Variants in NETO2 observed in about 807,000 individuals in gnomAD.
NETO2 encodes the protein neuropilin and tolloid-like protein 2.
A neutral mutation model predicts 62.5 loss-of-function variants in NETO2; 28 were observed. That is an observed-to-expected ratio of 0.45 (90% CI 0.33 to 0.61). The LOEUF is 0.61. Ranked by LOEUF, NETO2 falls within the 20% of genes least tolerant of loss-of-function variation. NETO2 has a pLI of 0.02. For synonymous variants in NETO2, 214 were observed against 219.1 expected, an observed-to-expected ratio of 0.98 and a Z score of 0.21; for missense variants, 548 against 643.2, an observed-to-expected ratio of 0.85 and a Z score of 1.60.
intron 8 of NETO2, among the ~76,000 whole-genome samples, chr16:47,086,012 A>AAG (rs1963181284): frequency 6.6e-6 from 1 of 152,124 alleles, no homozygotes; most frequent in Admixed American, 6.5e-5. Context: ...AAGCTAAGGC[A>AAG]GGAGAATGGT....
At chr16:47,129,768 A>AT (rs1174057088) in intron 2 of NETO2, among the ~76,000 whole-genome samples, 2 of 152,220 alleles carry the variant, frequency 1.3e-5, no homozygotes, top group East Asian at 3.8e-4. Flanking sequence ...GGTTAGAGGG[A>AT]TTTTAGTTGA....
chr16:47,135,788 T>C (rs1964352730), intron 1 of NETO2, among the ~76,000 whole-genome samples: 3 of 152,284 alleles, frequency 2.0e-5, no homozygotes, highest in Middle Eastern at 6.8e-3. Context: ...TTCTTTTCAC[T>C]ATTACTTAAT....
At chr16:47,137,061 G>C (rs1214380804) in intron 1 of NETO2, among the ~76,000 whole-genome samples, 1 of 152,136 alleles carries the variant, frequency 6.6e-6, no homozygotes, top group Non-Finnish European at 1.5e-5. Context: ...TCAGGCTATA[G>C]GAAACTGACA....
At chr16:47,122,934 A>T in intron 4 of NETO2, 22 bp from the exon 5 acceptor site, 2 of 1,608,992 alleles carry the variant, frequency 1.2e-6, no homozygotes, top group Non-Finnish European at 1.7e-6. Flanking sequence ...AAAAGAAGAA[A>T]GTCATTGGTA....
intron 3 of NETO2, 125 bp downstream of exon 3, chr16:47,129,099 A>G: frequency 1.2e-6 from 1 of 859,224 alleles, no homozygotes; most frequent in Non-Finnish European, 1.9e-6. Context: ...ACTTATCATT[A>G]CTACAGTTTA....
intron 7 of NETO2, among the ~76,000 whole-genome samples, chr16:47,092,096 C>A (rs1309989416): frequency 6.6e-6 from 1 of 151,526 alleles, no homozygotes. Flanking sequence ...AATCTTCCCA[C>A]CTTGGCCTCC....
chr16:47,129,473 AT>A, intron 2 of NETO2, 109 bp from the exon 3 acceptor site: 9 of 1,125,102 alleles, frequency 8.0e-6, no homozygotes, highest in Non-Finnish European at 1.1e-5. Context: ...CATATATAAA[AT>A]TTTCTAAGAA....
chr16:47,115,552 G>A (rs1351267747), intron 6 of NETO2, among the ~76,000 whole-genome samples: 6 of 150,110 alleles, frequency 4.0e-5, no homozygotes, highest in Non-Finnish European at 8.9e-5. Flanking sequence ...TCTTGAGACA[G>A]GGTCTCAGTT....
chr16:47,138,349 A>C (rs1278686953), intron 1 of NETO2, among the ~76,000 whole-genome samples: 1 of 152,194 alleles, frequency 6.6e-6, no homozygotes, highest in African/African-American at 2.4e-5. Context: ...GTGGTGCGCC[A>C]AGATCGTGCC....
At chr16:47,116,569 T>C (rs920487734) in intron 6 of NETO2, among the ~76,000 whole-genome samples, 5 of 152,230 alleles carry the variant, frequency 3.3e-5, no homozygotes, top group African/African-American at 1.2e-4. Flanking sequence ...TGACGAATAC[T>C]GATCAATAGT....
chr16:47,130,258 G>A (rs950520893), intron 2 of NETO2, among the ~76,000 whole-genome samples: 1 of 152,082 alleles, frequency 6.6e-6, no homozygotes, highest in African/African-American at 2.4e-5. Context: ...TCTGGGAGTC[G>A]AAACAGCCCC....
Position 47,083,143 on chromosome 16 carries a change from G to T in NETO2, c.*78C>A. 4 of 1,281,446 alleles carry T rather than the reference G, an allele frequency of 3.1e-6. No homozygotes were observed. The highest frequency in any genetic ancestry group is 4.6e-5 in the East Asian group (2 of 43,012). 79.4% of individuals were successfully genotyped at this position (1,281,446 alleles called of 1,614,324 possible). ...GTAGTTGTGATGGGAGAAAAGGGTTGGCTGCTGGAAACAGTATGGTGCCCT... is the reference window on the plus strand; with the variant it reads ...GTAGTTGTGATGGGAGAAAAGGGTTTGCTGCTGGAAACAGTATGGTGCCCT... On this transcript the variant is annotated 3_prime_UTR_variant, in exon 9 of 9. Coordinates refer to ENST00000562435, the MANE Select transcript of NETO2 (RefSeq NM_018092.5).
intron 7 of NETO2, among the ~76,000 whole-genome samples, chr16:47,107,420 T>C (rs1963698868): frequency 6.6e-6 from 1 of 152,140 alleles, no homozygotes; most frequent in Non-Finnish European, 1.5e-5. Flanking sequence ...AAGTTAAACA[T>C]AGAAAGAACT....
At chr16:47,116,335 T>C (rs1020014825) in intron 6 of NETO2, among the ~76,000 whole-genome samples, 3 of 152,154 alleles carry the variant, frequency 2.0e-5, no homozygotes, top group African/African-American at 7.2e-5. Flanking sequence ...GGAAGTCTCA[T>C]CTGTTCCTAT....
intron 6 of NETO2, among the ~76,000 whole-genome samples, chr16:47,118,193 CTCTT>C (rs966104677): frequency 1.3e-5 from 2 of 151,802 alleles, no homozygotes; most frequent in East Asian, 1.9e-4. Flanking sequence ...AATTCTGTCT[CTCTT>C]TGTTTGGGTG....
Position 47,122,860 on chromosome 16 carries a change from T to C in NETO2, c.526+8A>G. On this transcript the variant is annotated splice_region_variant and intron_variant, in intron 5 of 8. Transcript: ENST00000562435. ...ATGCCAAGAGGAACAAGTGGTAATA[T>C]ACTAAACCTGGAATGGGATTTAAAA... 1 of 1,614,016 alleles carries C rather than the reference T, an allele frequency of 6.2e-7. No homozygotes were observed. The highest frequency in any genetic ancestry group is 8.5e-7 in the Non-Finnish European group (1 of 1,179,936).
intron 6 of NETO2, 30 bp from the exon 7 acceptor site, chr16:47,109,741 TAA>T: frequency 7.0e-7 from 1 of 1,436,722 alleles, no homozygotes. Flanking sequence ...ACACTGCTTT[TAA>T]AAAGATATAT....
intron 7 of NETO2, among the ~76,000 whole-genome samples, chr16:47,105,202 T>C (rs144487223): frequency 6.4e-4 from 98 of 152,242 alleles, no homozygotes; most frequent in Non-Finnish European, 1.2e-3. Flanking sequence ...CCAGATCTAA[T>C]TGATTTTTGA....
chr16:47,114,633 G>T (rs898684783), intron 6 of NETO2, among the ~76,000 whole-genome samples: 1 of 150,988 alleles, frequency 6.6e-6, no homozygotes, highest in Non-Finnish European at 1.5e-5. Context: ...TGTATTTTTA[G>T]TAGAGACGGG....
Sources: gnomAD v4.1 joint callset for allele counts (sites outside exome capture counted in the v4.1 genomes callset) on GRCh38, gnomAD v4.1.1 for gene constraint, MANE v1.5 for transcripts, NCBI Gene and HGNC (gene_info 2026-07-23, HGNC 2026-07-21) for gene names.